The following RANBP17 variants were observed in gnomAD, a reference collection of about 807,000 sequenced individuals.
RANBP17 encodes ran-binding protein 17.
A neutral mutation model predicts 141.2 loss-of-function variants in RANBP17; 158 were observed. That is an observed-to-expected ratio of 1.12 (90% CI 0.98 to 1.28). The LOEUF (loss-of-function observed/expected upper bound fraction) is 1.28, where lower values mean the gene tolerates loss of function less well. RANBP17 is among the 50% of genes most tolerant of loss of function. RANBP17 has a pLI of 0.00. For synonymous variants in RANBP17, 430 were observed against 450.0 expected (o/e 0.96, Z 0.56); for missense variants, 1,438 against 1,290.7 (o/e 1.11, Z -1.75).
At chr5:171,078,284 A>G (rs922335087) in intron 14 of RANBP17, among the ~76,000 whole-genome samples, 1 of 151,804 alleles carries the variant, frequency 6.6e-6, no homozygotes, top group Non-Finnish European at 1.5e-5. Flanking sequence ...TGCCTCAGCC[A>G]CCTGAGTAGC....
Position 171,143,646 on chromosome 5 carries a change from A to G in RANBP17, c.1711-26484A>G, listed in dbSNP as rs549552341. Among the ~76,000 whole-genome samples, 20 of 152,300 alleles carry G rather than the reference A, an allele frequency of 1.3e-4. 1 individual carries two copies. The South Asian group carries it at 3.5e-3, about 27-fold the overall frequency. On this transcript the variant is annotated intron_variant, in intron 14 of 27. Coordinates refer to ENST00000523189, the MANE Select transcript of RANBP17 (RefSeq NM_022897.5). ...TTATTCATTTCTTCGGTAAACATCTATTGAATATCTGCTGTATCCCAGTCC... is the reference window on the plus strand; with the variant it reads ...TTATTCATTTCTTCGGTAAACATCTGTTGAATATCTGCTGTATCCCAGTCC...
intron 5 of RANBP17, among the ~76,000 whole-genome samples, chr5:170,908,034 C>T (rs1361595835): frequency 6.6e-6 from 1 of 151,978 alleles, no homozygotes; most frequent in East Asian, 1.9e-4. Context: ...CAGATGCTAG[C>T]AAGGCTGTGG....
chr5:170,879,562 A>G (rs1581036644), intron 2 of RANBP17, among the ~76,000 whole-genome samples: 1 of 152,322 alleles, frequency 6.6e-6, no homozygotes, highest in Non-Finnish European at 1.5e-5. Context: ...TTACTGCAGT[A>G]TAAGTTCTGC....
intron 16 of RANBP17, 110 bp from the exon 17 acceptor site, chr5:171,183,055 TTA>T: frequency 1.6e-6 from 1 of 614,906 alleles, no homozygotes. Flanking sequence ...TCTTTAGAAA[TTA>T]TATTTTTTTA....
At chr5:171,110,792 A>G (rs968520120) in intron 14 of RANBP17, among the ~76,000 whole-genome samples, 116 of 152,248 alleles carry the variant, frequency 7.6e-4, no homozygotes, top group Admixed American at 1.8e-3. Context: ...TTAGTTTAAC[A>G]GAGTCTCTTT....
intron 14 of RANBP17, among the ~76,000 whole-genome samples, chr5:171,137,527 G>A (rs1027685747): frequency 6.7e-6 from 1 of 150,232 alleles, no homozygotes; most frequent in African/African-American, 2.5e-5. Flanking sequence ...CCATATAAGA[G>A]AAACTTCTTA....
At chr5:170,864,916 A>G (rs906966506) in intron 1 of RANBP17, among the ~76,000 whole-genome samples, 1 of 152,206 alleles carries the variant, frequency 6.6e-6, no homozygotes, top group African/African-American at 2.4e-5. Flanking sequence ...ATGGTCTTTT[A>G]TATTCACCAG....
At chr5:170,888,178 G>T (rs10072991) in intron 3 of RANBP17, among the ~76,000 whole-genome samples, 136,476 of 152,188 alleles carry the variant, frequency 0.9, 61,373 homozygotes, top group East Asian at 1. Flanking sequence ...TGTTCGGTAT[G>T]GTGTTCGGTA....
At chr5:170,949,456 C>T (rs150231086) in intron 12 of RANBP17, among the ~76,000 whole-genome samples, 19 of 152,078 alleles carry the variant, frequency 1.2e-4, no homozygotes, top group Middle Eastern at 6.8e-3. Flanking sequence ...ACACAAATGA[C>T]CACTAAACAT....
intron 14 of RANBP17, among the ~76,000 whole-genome samples, chr5:171,094,581 A>T (rs1254477527): frequency 2.6e-5 from 4 of 152,160 alleles, no homozygotes; most frequent in Admixed American, 1.3e-4. Flanking sequence ...TAACAATAGA[A>T]GCTCTCTATG....
intron 14 of RANBP17, among the ~76,000 whole-genome samples, chr5:171,089,833 C>T (rs915195548): frequency 1.3e-5 from 2 of 152,218 alleles, no homozygotes; most frequent in South Asian, 4.1e-4. Flanking sequence ...ACGGTGCGTG[C>T]ACCCACTGGC....
At chr5:171,072,043 T>C (rs1217908647) in intron 14 of RANBP17, among the ~76,000 whole-genome samples, 2 of 152,044 alleles carry the variant, frequency 1.3e-5, no homozygotes, top group Non-Finnish European at 2.9e-5. Context: ...AACTTGCCAG[T>C]AAGTGTGATA....
At chr5:171,077,842 G>A (rs1425358395) in intron 14 of RANBP17, among the ~76,000 whole-genome samples, 1 of 152,160 alleles carries the variant, frequency 6.6e-6, no homozygotes, top group Non-Finnish European at 1.5e-5. Context: ...CTGGATAGAA[G>A]ATCAAACCAG....
intron 23 of RANBP17, among the ~76,000 whole-genome samples, chr5:171,242,292 A>C (rs1195208646): frequency 6.6e-6 from 1 of 152,212 alleles, no homozygotes; most frequent in African/African-American, 2.4e-5. Flanking sequence ...TATTAATACA[A>C]CAGACTATGG....
intron 1 of RANBP17, among the ~76,000 whole-genome samples, chr5:170,864,559 G>A (rs1243011560): frequency 6.6e-6 from 1 of 152,174 alleles, no homozygotes; most frequent in East Asian, 1.9e-4. Context: ...GAATTAATGG[G>A]TCTGGATTCC....
intron 19 of RANBP17, 121 bp downstream of exon 19, chr5:171,199,894 G>T: frequency 2.0e-6 from 1 of 497,866 alleles, no homozygotes. Flanking sequence ...TTTCCCAATT[G>T]CATGTCTTTA....
intron 14 of RANBP17, among the ~76,000 whole-genome samples, chr5:171,021,279 G>C (rs1421467631): frequency 3.3e-5 from 5 of 152,186 alleles, no homozygotes; most frequent in Admixed American, 2.6e-4. Flanking sequence ...GAGTGTGTTA[G>C]TGGTGTTCTC....
chr5:171,296,358 GCATTTGAACAAA>G, intron 27 of RANBP17, among the ~76,000 whole-genome samples: 1 of 152,282 alleles, frequency 6.6e-6, no homozygotes, highest in Admixed American at 6.5e-5. Context: ...AGACTTCTTG[GCATTTGAACAAA>G]CATAGGCCTT....
chr5:170,930,349 C>A lies in RANBP17; in HGVS notation c.1468+5799C>A, dbSNP rs562007446. ...GTTTAAACATTACTTTAGTTGCATC[C>A]CACGAGTTTTGTAGTTTTATTATTA... On this transcript the variant is annotated intron_variant, in intron 12 of 27. Transcript: ENST00000523189. Among the ~76,000 whole-genome samples the A allele has an allele frequency of 4.0e-4, 61 of 151,204 alleles. No individual in the cohort carries two copies. The South Asian group carries it at 0.012, about 31-fold the overall frequency.
Sources: gnomAD v4.1 joint callset for allele counts (sites outside exome capture counted in the v4.1 genomes callset) on GRCh38, gnomAD v4.1.1 for gene constraint, MANE v1.5 for transcripts, NCBI Gene and HGNC (gene_info 2026-07-23, HGNC 2026-07-21) for gene names.